Variants in CYBC1 observed in about 807,000 individuals in gnomAD.
The protein encoded by CYBC1 is essential for reactive oxygen species protein.
In CYBC1, 22 loss-of-function variants were observed where a neutral mutation model predicts 21.7. The ratio of observed to expected loss-of-function variants is 1.02; its 90% CI spans 0.73 to 1.45. The LOEUF (loss-of-function observed/expected upper bound fraction) is 1.45. CYBC1 is among the 40% of genes most tolerant of loss of function. The pLI is 0.00. For missense variants in CYBC1, 237 were observed against 242.1 expected, an observed-to-expected ratio of 0.98 and a Z score of 0.14; for synonymous variants, 112 against 98.7, an observed-to-expected ratio of 1.13 and a Z score of -0.80.
chr17:82,444,596 G>C lies in CYBC1; in HGVS notation c.299-5C>G, dbSNP rs749576460. 3 of 1,596,868 alleles carry C rather than the reference G, an allele frequency of 1.9e-6. No homozygotes were observed. The highest frequency in any genetic ancestry group is 1.7e-5 in the Admixed American group (1 of 59,390). ...CATCATGGAGCAGGACCACCACTGC[G>C]GGGAGACGGTCAGTGGCCGAGCCAT... On this transcript the variant is annotated splice_region_variant and splice_polypyrimidine_tract_variant and intron_variant, in intron 5 of 6. Transcript: ENST00000306645.
chr17:82,447,352 CA>C (rs59578640), intron 3 of CYBC1: 65,280 of 448,448 alleles, frequency 0.15, 86 homozygotes, highest in Middle Eastern at 0.17. Flanking sequence ...GACTCCGTCT[CA>C]AAAAAAAAAA....
At position 82,444,068 on chromosome 17, in the gene CYBC1, T is replaced by G. The variant is rs150603104; in HGVS notation, c.500A>C (p.Glu167Ala). The change falls in exon 7 of 7, where the codon GAG becomes GCG. Residue 167 changes from glutamate (E) to alanine (A), a missense_variant. Physicochemically the swap from Glu to Ala is moderately radical, Grantham distance 107. Coordinates refer to ENST00000306645, the MANE Select transcript of CYBC1 (RefSeq NM_001033046.4). The part of the protein sequence containing the change: ...ITSFLELHCL[E>A]SPTELSQSSD... ...GCTCTGAGACAGCTCTGTGGGGCTC[T>G]CAAGGCAGTGCAGCTCCAGGAAGCT... 1.4e-4 allele frequency: 219 copies of G among 1,613,640 alleles called. No individual in the cohort carries two copies. The highest frequency in any genetic ancestry group is 1.7e-4 in the Non-Finnish European group (202 of 1,179,980).
chr17:82,449,026 A>G (rs2054445496), intron 2 of CYBC1, 144 bp downstream of exon 2: 1 of 671,778 alleles, frequency 1.5e-6, no homozygotes. Flanking sequence ...CACCAGATAG[A>G]ATTTGAATGG....
intron 3 of CYBC1, 52 bp from the exon 4 acceptor site, chr17:82,446,748 G>A: frequency 6.3e-7 from 1 of 1,580,530 alleles, no homozygotes; most frequent in South Asian, 1.1e-5. Flanking sequence ...CATGCCCACG[G>A]GAGGCCCCGC....
intron 3 of CYBC1, 108 bp from the exon 4 acceptor site, chr17:82,446,804 G>A: frequency 8.9e-7 from 1 of 1,124,254 alleles, no homozygotes; most frequent in South Asian, 1.3e-5. Context: ...ACGCTTGCAA[G>A]GACCCCCTGG....
Position 82,449,153 on chromosome 17 carries a change from G to T in CYBC1, c.85+17C>A. 2 of 1,545,876 alleles carry T rather than the reference G, an allele frequency of 1.3e-6. No homozygotes were observed. The highest frequency in any genetic ancestry group is 1.7e-6 in the Non-Finnish European group (2 of 1,147,420). ...TTCCGGTTCTGGGGTTCTGGGGAGG[G>T]ACGTGGAGAGCCTTACCAACCAGCA... is the stretch of plus-strand genomic sequence containing the variant. On this transcript the variant is annotated intron_variant, in intron 2 of 6. Coordinates refer to ENST00000306645, the MANE Select transcript of CYBC1 (RefSeq NM_001033046.4).
chr17:82,450,519 C>A (rs1167553484), intron 1 of CYBC1, 181 bp downstream of exon 1: 1 of 152,218 alleles, frequency 6.6e-6, no homozygotes, highest in African/African-American at 2.4e-5. Flanking sequence ...GGCGCTCCCG[C>A]CGCCGGGGCC....
At chr17:82,444,250 G>A in intron 6 of CYBC1, 126 bp from the exon 7 acceptor site, 1 of 1,461,400 alleles carries the variant, frequency 6.8e-7, no homozygotes, top group Non-Finnish European at 9.1e-7. Context: ...ACTGGACCCA[G>A]CACTTCCTGG....
At chr17:82,445,719 GCAGGACA>G in intron 5 of CYBC1, 138 bp downstream of exon 5, 1 of 603,380 alleles carries the variant, frequency 1.7e-6, no homozygotes, top group Non-Finnish European at 2.9e-6. Context: ...CTTCCAGCGG[GCAGGACA>G]CAACCCTGGT....
In CYBC1 at chr17:82,443,562, C is replaced by G; in HGVS notation, c.*442G>C. 5.7e-6 allele frequency: 4 copies of G among 702,018 alleles called. No homozygotes were observed. Among genetic ancestry groups the G allele is most frequent in the Non-Finnish European group, 1.0e-5 (4 of 384,940 alleles). 43.5% of individuals were successfully genotyped at this position (702,018 alleles called of 1,614,324 possible). On this transcript the variant is annotated 3_prime_UTR_variant, in exon 7 of 7. Transcript: ENST00000306645. The surrounding 1 kb of genome is among the most constrained non-coding windows in gnomAD (Gnocchi z 6.7). ...CCACAAGGGCCCGGCCTGGCCCCGC[C>G]TCTCCACTCGCCCGAGGTCTTGCTG...
intron 1 of CYBC1, 74 bp downstream of exon 1, chr17:82,450,626 T>G: frequency 6.6e-6 from 1 of 150,918 alleles, no homozygotes; most frequent in East Asian, 2.0e-4. Context: ...CCTCCCGGAG[T>G]GGGCCTAAGG....
At chr17:82,447,302 G>A (rs901192402) in intron 3 of CYBC1, 18 of 485,094 alleles carry the variant, frequency 3.7e-5, no homozygotes, top group Non-Finnish European at 5.2e-5. Context: ...GCAGTGAGCC[G>A]AGATCCCGCC....
chr17:82,447,488 A>G (rs1186653570), intron 3 of CYBC1, 92 bp downstream of exon 3: 1 of 1,083,954 alleles, frequency 9.2e-7, no homozygotes, highest in South Asian at 1.3e-5. Flanking sequence ...AGGCCGCCCC[A>G]TGGACAGTCA....
rs2054183839 is a variant in CYBC1 at position 82,444,815 on chromosome 17, G to A, written c.299-224C>T. On this transcript the variant is annotated intron_variant, in intron 5 of 6. Transcript: ENST00000306645. ...ACGTGCCCGCGGTGCAGGCTGGCGG[G>A]TCACATGCACAGCCCGCTGGTTCTC... is the stretch of plus-strand genomic sequence containing the variant. 5.4e-6 allele frequency: 3 copies of A among 559,012 alleles called. No homozygotes were observed. The South Asian group carries it at 7.3e-5, about 14-fold the overall frequency. 34.6% of individuals were successfully genotyped at this position (559,012 alleles called of 1,614,324 possible).
chr17:82,444,249 A>C (rs182626299), intron 6 of CYBC1, 125 bp from the exon 7 acceptor site: 18 of 1,470,552 alleles, frequency 1.2e-5, no homozygotes, highest in Admixed American at 6.5e-5. Context: ...AACTGGACCC[A>C]GCACTTCCTG....
In CYBC1 at chr17:82,445,939, T is replaced by G; in HGVS notation, c.223A>C (p.Thr75Pro). 1 of 1,613,722 alleles carries G rather than the reference T, an allele frequency of 6.2e-7. No homozygotes were observed. Among genetic ancestry groups the G allele is most frequent in the Non-Finnish European group, 8.5e-7 (1 of 1,179,808 alleles). Residue 75 changes from threonine to proline, a missense_variant, in exon 5 of 7, where the codon ACA (threonine) becomes CCA (proline). Thr to Pro is a conservative substitution (Grantham distance 38). Transcript: ENST00000306645. ...DWEEAIFDKS[T>P]GKVVLKTFSL... is the part of the protein sequence containing the mutation. ...AACGTCTTCAAAACAACCTTCCCTG[T>G]GCTCTTGTCGAAGATGGCTTCCTGG...
At chr17:82,450,024 G>C (rs2054502156) in intron 1 of CYBC1, 1 of 152,206 alleles carries the variant, frequency 6.6e-6, no homozygotes, top group Non-Finnish European at 1.5e-5. Flanking sequence ...GCTCAGGCCT[G>C]TAATCTCAGC....
At position 82,447,218 on chromosome 17, in the gene CYBC1, T is replaced by C. The variant is rs560622288; in HGVS notation, c.127+362A>G. ...AATACAAAAAATTAGCCGGGCGTAG[T>C]GGCGGGCGCCTGTAGTCCCAGCTAC... On this transcript the variant is annotated intron_variant, in intron 3 of 6. Transcript: ENST00000306645. 1.0e-4 allele frequency: 36 copies of C among 351,420 alleles called. No individual in the cohort carries two copies. In the East Asian group the frequency reaches 2.5e-3, roughly 25 times the overall value. The allele number at this position is 351,420 out of a possible 1,614,324, so 21.8% of individuals were successfully genotyped here.
At chr17:82,444,169 T>A (rs67228117) in intron 6 of CYBC1, 45 bp from the exon 7 acceptor site, 1 of 1,589,138 alleles carries the variant, frequency 6.3e-7, no homozygotes, top group Admixed American at 1.7e-5. Flanking sequence ...CACCTCGGCA[T>A]AGGGCACCGT....
Sources: allele counts gnomAD v4.1 joint callset, GRCh38; gene constraint gnomAD v4.1.1; non-coding constraint Gnocchi (gnomAD v3.1); transcripts MANE v1.5; gene names NCBI Gene and HGNC (gene_info 2026-07-23, HGNC 2026-07-21).